Variants in NRTN observed in about 807,000 individuals in gnomAD.
The protein encoded by NRTN is prepro-neurturin.
NRTN carries 3 observed loss-of-function variants against 7.5 expected under a neutral mutation model. That is an observed-to-expected ratio of 0.40 (90% CI 0.18 to 1.03). The LOEUF is 1.03. Ranked by LOEUF, NRTN falls within the 50% of genes least tolerant of loss-of-function variation. The pLI is 0.34. For missense variants in NRTN, 310 were observed against 307.0 expected (o/e 1.01, Z -0.07); for synonymous variants, 157 against 146.6 (o/e 1.07, Z -0.51).
chr19:5,827,518 C>G (rs2057050926), intron 2 of NRTN, among the ~76,000 whole-genome samples: 1 of 151,904 alleles, frequency 6.6e-6, no homozygotes, highest in Non-Finnish European at 1.5e-5. Flanking sequence ...GGGTTTTGGA[C>G]CAGCGTAGGG....
intron 2 of NRTN, among the ~76,000 whole-genome samples, chr19:5,827,313 A>C (rs771703457): frequency 5.3e-5 from 8 of 151,218 alleles, no homozygotes; most frequent in Non-Finnish European, 8.9e-5. Context: ...GGGGCAGCCC[A>C]GCATAGGGGC....
intron 1 of NRTN, among the ~76,000 whole-genome samples, chr19:5,820,391 C>T (rs1477052171): frequency 6.7e-6 from 1 of 150,280 alleles, no homozygotes; most frequent in Non-Finnish European, 1.5e-5. Context: ...ACGGTGAAAC[C>T]CTGTCTCTAC....
chr19:5,819,669 TAAATAAAAATTTTAAAA>T (rs907631282), intron 1 of NRTN, among the ~76,000 whole-genome samples: 58 of 110,648 alleles, frequency 5.2e-4, no homozygotes, highest in Admixed American at 2.0e-3. Flanking sequence ...ATCTCAAAAA[TAAATAAAAATTTTAAAA>T]AATAAATAAA....
Position 5,828,186 on chromosome 19 carries a change from C to A in NRTN, c.*13C>A, listed in dbSNP as rs985592634. 2 of 1,529,046 alleles carry A rather than the reference C, an allele frequency of 1.3e-6. No homozygotes were observed. The highest frequency in any genetic ancestry group is 1.7e-6 in the Non-Finnish European group (2 of 1,143,774). The allele number at this position is 1,529,046 out of a possible 1,614,324, so 94.7% of individuals were successfully genotyped here. A position where few individuals can be genotyped will look rare whatever the true frequency, so the allele number is the denominator to read the frequency against. ...CGCCTGCGTGTGACCCTACCTCACT[C>A]GGCCGGCGCGGCGGCCACTCCCCCC... On this transcript the variant is annotated 3_prime_UTR_variant, in exon 3 of 3. Coordinates refer to ENST00000303212, the MANE Select transcript of NRTN (RefSeq NM_004558.5).
rs930007419 is a variant in NRTN at position 5,828,044 on chromosome 19, G to A, written c.465G>A (p.Arg155=). The change falls in exon 3 of 3, where the codon CGG becomes CGA. Residue 155 remains arginine (R), a synonymous_variant. Coordinates refer to ENST00000303212, the MANE Select transcript of NRTN (RefSeq NM_004558.5). ...GACTGCGCCAGCGGCGGCGCCTGCG[G>A]CGGGAGCGGGTGCGCGCGCAGCCCT... is the stretch of plus-strand genomic sequence containing the variant. The part of the protein sequence containing the change: ...LRRLRQRRRL[R]RERVRAQPCC... 4.3e-6 allele frequency: 6 copies of A among 1,410,506 alleles called. No individual in the cohort carries two copies. Among genetic ancestry groups the A allele is most frequent in the Middle Eastern group, 2.4e-4 (1 of 4,196 alleles). 87.4% of individuals were successfully genotyped at this position (1,410,506 alleles called of 1,614,324 possible).
At chr19:5,818,478 G>A (rs186836915) in intron 1 of NRTN, among the ~76,000 whole-genome samples, 2 of 152,140 alleles carry the variant, frequency 1.3e-5, no homozygotes, top group African/African-American at 2.4e-5. Flanking sequence ...GGGGCATCTC[G>A]CTATGTTGCC....
chr19:5,815,727 C>G (rs569464314), intron 1 of NRTN, among the ~76,000 whole-genome samples: 1 of 142,122 alleles, frequency 7.0e-6, no homozygotes, highest in African/African-American at 2.6e-5. Flanking sequence ...TGAGCCACCG[C>G]GCCCGGCCTG....
At chr19:5,815,295 TTGAGTG>T (rs1394009353) in intron 1 of NRTN, among the ~76,000 whole-genome samples, 1 of 152,074 alleles carries the variant, frequency 6.6e-6, no homozygotes, top group Non-Finnish European at 1.5e-5. Flanking sequence ...GGGATCATGC[TTGAGTG>T]TGAGTGTGAA....
intron 1 of NRTN, among the ~76,000 whole-genome samples, chr19:5,820,852 C>A (rs1056573649): frequency 6.6e-6 from 1 of 152,004 alleles, no homozygotes; most frequent in Admixed American, 6.6e-5. Context: ...AAATGTCCTT[C>A]CCATGGCCCA....
Position 5,805,674 on chromosome 19 carries a change from C to A in NRTN, c.-399+223C>A, listed in dbSNP as rs569867152. On this transcript the variant is annotated intron_variant, in intron 1 of 2. Coordinates refer to ENST00000303212, the MANE Select transcript of NRTN (RefSeq NM_004558.5). ...GCCAGATCCTAAGCGGCTCTCCAAG[C>A]CCGAATCCAGCCGCGGTGTCCCTGT... Among the ~76,000 whole-genome samples, 3 of 152,070 alleles carry A rather than the reference C, an allele frequency of 2.0e-5. No individual in the cohort carries two copies. In the East Asian group the frequency reaches 5.9e-4, roughly 30 times the overall value.
intron 1 of NRTN, among the ~76,000 whole-genome samples, 163 bp downstream of exon 1, chr19:5,805,614 A>G (rs1200961782): frequency 6.6e-6 from 1 of 151,390 alleles, no homozygotes; most frequent in Non-Finnish European, 1.5e-5. Flanking sequence ...CAGAGGGACG[A>G]CAGGTCAGCG....
intron 1 of NRTN, among the ~76,000 whole-genome samples, chr19:5,823,083 A>G (rs561971851): frequency 7.2e-6 from 1 of 139,620 alleles, no homozygotes; most frequent in East Asian, 2.0e-4. Flanking sequence ...AGAAAAAGAA[A>G]GAGAGAAGAA....
At position 5,821,601 on chromosome 19, in the gene NRTN, C is replaced by T. The variant is rs117800360; in HGVS notation, c.-398-2167C>T. ...TACTACAGGCATGAGCCACTGCACC[C>T]GTCAGCCTAGCTTCTTTGTGTTCAT... On this transcript the variant is annotated intron_variant, in intron 1 of 2. Coordinates refer to ENST00000303212, the MANE Select transcript of NRTN (RefSeq NM_004558.5). 5.1e-3 allele frequency among the ~76,000 whole-genome samples: 729 copies of T among 142,810 alleles called. 5 individuals carry two copies. Among genetic ancestry groups the T allele is most frequent in the Non-Finnish European group, 8.1e-3 (536 of 65,988 alleles). The allele number at this position is 142,810 out of a possible 152,430, so 93.7% of individuals were successfully genotyped here.
intron 1 of NRTN, among the ~76,000 whole-genome samples, chr19:5,821,618 T>G (rs1188912758): frequency 1.2e-5 from 1 of 86,348 alleles, no homozygotes; most frequent in Non-Finnish European, 2.2e-5. Context: ...CTAGCTTCTT[T>G]GTGTTCATTC....
intron 1 of NRTN, among the ~76,000 whole-genome samples, chr19:5,815,098 C>T (rs867552646): frequency 6.6e-6 from 1 of 152,216 alleles, no homozygotes; most frequent in African/African-American, 2.4e-5. Flanking sequence ...CGTGTCTGTG[C>T]GCCCTGGAAT....
In NRTN at chr19:5,824,323, G is replaced by T. The variant is rs141731534; in HGVS notation, c.158G>T (p.Arg53Leu). Residue 53 changes from arginine (R) to leucine (L), a missense_variant, in exon 2 of 3, where the codon CGC (arginine) becomes CTC (leucine). Physicochemically the swap from Arg to Leu is moderately radical, Grantham distance 102. Coordinates refer to ENST00000303212, the MANE Select transcript of NRTN (RefSeq NM_004558.5). ...LPRTLDARIA[R>L]LAQYRALLQG... ...CGAACCCTGGACGCCCGGATTGCCC[G>T]CCTGGCCCAGTGTAAGCTCCTCCTC... is the stretch of plus-strand genomic sequence containing the variant. 3.7e-5 allele frequency: 60 copies of T among 1,602,108 alleles called. No homozygotes were observed. Among genetic ancestry groups the T allele is most frequent in the East Asian group, 6.7e-5 (3 of 44,606 alleles).
intron 1 of NRTN, among the ~76,000 whole-genome samples, chr19:5,820,425 G>A (rs1278833668): frequency 2.6e-5 from 4 of 151,622 alleles, no homozygotes; most frequent in Admixed American, 2.0e-4. Context: ...AATTAGCTGG[G>A]TGTGGTGGCG....
Position 5,824,328 on chromosome 19 carries a change from G to C in NRTN, c.163G>C (p.Ala55Pro), listed in dbSNP as rs754117892. The change falls in exon 2 of 3, where the codon GCC becomes CCC. Residue 55 changes from alanine to proline, a missense_variant. Transcript: ENST00000303212. ...CCTGGACGCCCGGATTGCCCGCCTGGCCCAGTGTAAGCTCCTCCTCTGTGT... is the reference window on the plus strand; with the variant it reads ...CCTGGACGCCCGGATTGCCCGCCTGCCCCAGTGTAAGCTCCTCCTCTGTGT... ...RTLDARIARL[A>P]QYRALLQGAP... is the part of the protein sequence containing the mutation. 6.2e-7 allele frequency: 1 copy of C among 1,601,040 alleles called. No homozygotes were observed.
chr19:5,808,329 T>C (rs2056979937), intron 1 of NRTN, among the ~76,000 whole-genome samples: 1 of 152,120 alleles, frequency 6.6e-6, no homozygotes, highest in Admixed American at 6.6e-5. Context: ...GATCCTGTCA[T>C]CCCACCCCGG....
Sources: gnomAD v4.1 joint callset for allele counts (sites outside exome capture counted in the v4.1 genomes callset) on GRCh38, gnomAD v4.1.1 for gene constraint, MANE v1.5 for transcripts, NCBI Gene and HGNC (gene_info 2026-07-23, HGNC 2026-07-21) for gene names.